Variants in TMEM132C observed in about 807,000 individuals in gnomAD.
TMEM132C encodes the protein transmembrane protein 132C, also known as protein phosphatase 1, regulatory subunit 152.
Under a neutral mutation model 61.4 loss-of-function variants are expected in TMEM132C, and 29 were observed. That is an observed-to-expected ratio of 0.47 (90% CI 0.35 to 0.64). TMEM132C has a LOEUF of 0.64. Ranked by LOEUF, TMEM132C falls within the 30% of genes least tolerant of loss-of-function variation. The pLI, the probability that TMEM132C is intolerant of heterozygous loss-of-function variation, is 0.00. For missense variants in TMEM132C, 1,408 were observed against 1,476.9 expected (o/e 0.95, Z 0.76); for synonymous variants, 656 against 633.1 (o/e 1.04, Z -0.54).
chr12:128,272,053 CACAA>C (rs1163671892), intron 1 of TMEM132C, among the ~76,000 whole-genome samples: 2 of 152,196 alleles, frequency 1.3e-5, no homozygotes, highest in Non-Finnish European at 2.9e-5. Flanking sequence ...GTAATTTGCA[CACAA>C]TAAAATTCAC....
At chr12:128,375,594 C>T (rs914958069) in intron 1 of TMEM132C, among the ~76,000 whole-genome samples, 5 of 152,078 alleles carry the variant, frequency 3.3e-5, no homozygotes, top group African/African-American at 1.2e-4. Context: ...TAGGGCCCAC[C>T]CTAAATCCAA....
rs1027607023 is a variant in TMEM132C at position 128,466,793 on chromosome 12, C to T, written c.974+51173C>T. On this transcript the variant is annotated intron_variant, in intron 2 of 8. Transcript: ENST00000435159. ...TCGGCCTCCCAAAGTGCTGGGATTA[C>T]AGGCATGAGCCACCGCACCTGGCCA... 3.3e-5 allele frequency among the ~76,000 whole-genome samples: 5 copies of T among 152,328 alleles called. No homozygotes were observed. In the South Asian group the frequency reaches 1.0e-3, roughly 32 times the overall value.
At chr12:128,382,441 C>T (rs1327510099) in intron 1 of TMEM132C, among the ~76,000 whole-genome samples, 3 of 152,272 alleles carry the variant, frequency 2.0e-5, no homozygotes, top group East Asian at 3.9e-4. Context: ...TGAACCATGG[C>T]GAGTGTGACC....
chr12:128,377,617 T>G (rs1874236537), intron 1 of TMEM132C, among the ~76,000 whole-genome samples: 1 of 152,144 alleles, frequency 6.6e-6, no homozygotes, highest in Non-Finnish European at 1.5e-5. Flanking sequence ...AGACTTTTAT[T>G]TTGGTGAGAT....
At chr12:128,408,892 G>C (rs1868415135) in intron 1 of TMEM132C, among the ~76,000 whole-genome samples, 1 of 152,190 alleles carries the variant, frequency 6.6e-6, no homozygotes, top group Non-Finnish European at 1.5e-5. Flanking sequence ...CCGGGAAAAG[G>C]ATTAGGGTCC....
At chr12:128,621,246 C>T (rs995613808) in intron 4 of TMEM132C, among the ~76,000 whole-genome samples, 1 of 152,140 alleles carries the variant, frequency 6.6e-6, no homozygotes, top group South Asian at 2.1e-4. Flanking sequence ...CCCAAGAAAG[C>T]AGGTTGAAGT....
At chr12:128,298,572 A>G (rs901784568) in intron 1 of TMEM132C, among the ~76,000 whole-genome samples, 1 of 152,220 alleles carries the variant, frequency 6.6e-6, no homozygotes, top group Non-Finnish European at 1.5e-5. Flanking sequence ...AGGTGCCTGC[A>G]TAATTCTTTG....
At chr12:128,274,018 C>T (rs1592992857) in intron 1 of TMEM132C, among the ~76,000 whole-genome samples, 1 of 152,160 alleles carries the variant, frequency 6.6e-6, no homozygotes, top group East Asian at 1.9e-4. Context: ...TATTCTCCTA[C>T]CTGTGCACTG....
intron 4 of TMEM132C, among the ~76,000 whole-genome samples, chr12:128,626,438 C>CATTTTA (rs1555237598): frequency 8.8e-6 from 1 of 113,770 alleles, no homozygotes. Context: ...CTGTGCTGAA[C>CATTTTA]ATTTTTATTT....
chr12:128,652,754 T>C lies in TMEM132C; in HGVS notation c.1306-16663T>C, dbSNP rs75917396. On this transcript the variant is annotated intron_variant, in intron 4 of 8. Transcript: ENST00000435159. ...AAAAATAATGGCAGAGGAGTGGATT[T>C]CATAGCATGGAGAAAAGTGCTCAGG... Among the ~76,000 whole-genome samples, 550 of 152,328 alleles carry C rather than the reference T, an allele frequency of 3.6e-3. 2 individuals carry two copies. Among genetic ancestry groups the C allele is most frequent in the African/African-American group, 0.012 (519 of 41,574 alleles).
intron 2 of TMEM132C, among the ~76,000 whole-genome samples, chr12:128,516,363 C>T (rs1464384632): frequency 6.6e-6 from 1 of 152,118 alleles, no homozygotes; most frequent in Non-Finnish European, 1.5e-5. Context: ...AGCAGGCATG[C>T]ACCAAGGACT....
chr12:128,369,996 A>G (rs1232278212), intron 1 of TMEM132C, among the ~76,000 whole-genome samples: 2 of 152,236 alleles, frequency 1.3e-5, no homozygotes, highest in Non-Finnish European at 2.9e-5. Flanking sequence ...GCCCTTGTTT[A>G]TTGCTGATGG....
chr12:128,663,860 T>C (rs1335696777), intron 4 of TMEM132C, among the ~76,000 whole-genome samples: 2 of 142,278 alleles, frequency 1.4e-5, no homozygotes, highest in African/African-American at 5.3e-5. Context: ...ACGCAGGCAC[T>C]CACACAGGCA....
At position 128,452,214 on chromosome 12, in the gene TMEM132C, G is replaced by T. The variant is rs371589810; in HGVS notation, c.974+36594G>T. 3.4e-4 allele frequency among the ~76,000 whole-genome samples: 51 copies of T among 151,778 alleles called. 1 individual carries two copies. Among genetic ancestry groups the T allele is most frequent in the African/African-American group, 1.1e-3 (45 of 41,420 alleles). ...GACTCAAGCGATCCTCTCACCTCAG[G>T]CTCCCGAGTAATAGCTCGAACTACA... On this transcript the variant is annotated intron_variant, in intron 2 of 8. Coordinates refer to ENST00000435159, the MANE Select transcript of TMEM132C (RefSeq NM_001136103.3).
chr12:128,383,282 G>C (rs1874472944), intron 1 of TMEM132C, among the ~76,000 whole-genome samples: 3 of 152,168 alleles, frequency 2.0e-5, no homozygotes, highest in African/African-American at 4.8e-5. Flanking sequence ...TTCCTCTAGG[G>C]CAGGAACTTA....
intron 1 of TMEM132C, among the ~76,000 whole-genome samples, chr12:128,397,132 G>T (rs562016205): frequency 2.1e-4 from 32 of 152,250 alleles, no homozygotes; most frequent in Admixed American, 3.3e-4. Flanking sequence ...GCCCCAGGGT[G>T]GGGGAGCCTT....
At chr12:128,493,483 C>T (rs933139713) in intron 2 of TMEM132C, among the ~76,000 whole-genome samples, 3 of 152,214 alleles carry the variant, frequency 2.0e-5, no homozygotes, top group African/African-American at 7.2e-5. Context: ...TATCCATGAG[C>T]ATGGAATGTT....
At chr12:128,429,290 A>C (rs192950839) in intron 2 of TMEM132C, among the ~76,000 whole-genome samples, 1 of 152,210 alleles carries the variant, frequency 6.6e-6, no homozygotes, top group Non-Finnish European at 1.5e-5. Flanking sequence ...CAGCCTCCCC[A>C]CTAACCCCAC....
At chr12:128,619,660 C>T (rs553380242) in intron 4 of TMEM132C, among the ~76,000 whole-genome samples, 23 of 152,234 alleles carry the variant, frequency 1.5e-4, no homozygotes, top group Non-Finnish European at 1.9e-4. Flanking sequence ...TCCCCTCCTC[C>T]CTGCGCTGTC....
Sources: allele counts gnomAD v4.1 joint callset (sites outside exome capture counted in the v4.1 genomes callset), GRCh38; gene constraint gnomAD v4.1.1; transcripts MANE v1.5; gene names NCBI Gene and HGNC (gene_info 2026-07-23, HGNC 2026-07-21).